The following SLC30A8 variants were observed in gnomAD, a reference collection of about 807,000 sequenced individuals.
SLC30A8 encodes the protein solute carrier family 30 member 8, also known as proton-coupled zinc antiporter SLC30A8.
Under a neutral mutation model 36.9 loss-of-function variants are expected in SLC30A8, and 27 were observed. That is an observed-to-expected ratio of 0.73 (90% CI 0.54 to 1.01). The LOEUF (loss-of-function observed/expected upper bound fraction) is 1.01. Among genes scored for constraint, SLC30A8 ranks in the 50% least tolerant of loss-of-function variants. The probability of loss-of-function intolerance (pLI) is 0.00; values close to 1 mark genes in which losing one functional copy is unlikely to be tolerated. For missense variants in SLC30A8, 439 were observed against 452.0 expected, an observed-to-expected ratio of 0.97 and a Z score of 0.26; for synonymous variants, 164 against 172.4, an observed-to-expected ratio of 0.95 and a Z score of 0.38.
At chr8:117,009,843 A>G (rs1021067161) in intron 1 of SLC30A8, among the ~76,000 whole-genome samples, 5 of 152,196 alleles carry the variant, frequency 3.3e-5, no homozygotes, top group African/African-American at 4.8e-5. Flanking sequence ...GGTTTTCTGA[A>G]TATGTCATGG....
At chr8:117,109,027 C>G (rs992989092) in intron 2 of SLC30A8, among the ~76,000 whole-genome samples, 5 of 152,154 alleles carry the variant, frequency 3.3e-5, no homozygotes, top group African/African-American at 1.2e-4. Flanking sequence ...TTCTCCTAGC[C>G]TGGAAAACTC....
chr8:117,119,395 G>A (rs1206746718), intron 2 of SLC30A8, among the ~76,000 whole-genome samples: 2 of 151,886 alleles, frequency 1.3e-5, no homozygotes, highest in African/African-American at 4.8e-5. Context: ...TAAAGGAAAG[G>A]GGAAAGGAGA....
At chr8:117,140,305 G>A (rs752654869) in intron 1 of SLC30A8, among the ~76,000 whole-genome samples, 13 of 152,028 alleles carry the variant, frequency 8.6e-5, no homozygotes, top group Non-Finnish European at 1.8e-4. Flanking sequence ...AGGGCCAGAA[G>A]GAGAGAGAAA....
chr8:117,131,430 A>G (rs996502403), upstream of SLC30A8, among the ~76,000 whole-genome samples: 1 of 151,998 alleles, frequency 6.6e-6, no homozygotes, highest in African/African-American at 2.4e-5. Flanking sequence ...GGGTGATTAC[A>G]CTGGTTGAGT....
chr8:117,140,286 CATA>C (rs1366247868), intron 1 of SLC30A8, among the ~76,000 whole-genome samples: 1 of 151,860 alleles, frequency 6.6e-6, no homozygotes, highest in African/African-American at 2.4e-5. Flanking sequence ...TTAACATATT[CATA>C]ATAAGAGGGC....
chr8:117,001,464 T>C (rs1358745676), intron 1 of SLC30A8, among the ~76,000 whole-genome samples: 2 of 152,152 alleles, frequency 1.3e-5, no homozygotes, highest in African/African-American at 4.8e-5. Flanking sequence ...TTTTATTGTT[T>C]ATGCTGTTGG....
At chr8:116,988,752 T>A (rs1459833850) in intron 1 of SLC30A8, among the ~76,000 whole-genome samples, 1 of 152,230 alleles carries the variant, frequency 6.6e-6, no homozygotes. Flanking sequence ...GGCATATACT[T>A]AAAATTTGAT....
intron 1 of SLC30A8, among the ~76,000 whole-genome samples, chr8:117,024,005 G>C (rs1398248721): frequency 6.6e-6 from 1 of 151,846 alleles, no homozygotes; most frequent in Non-Finnish European, 1.5e-5. Context: ...TTTATTTTCT[G>C]GCTATTTGGC....
Position 117,161,765 on chromosome 8 carries a change from C to G in SLC30A8, c.600C>G (p.Cys200Trp), listed in dbSNP as rs202179744. ...TAACTGTGGTTTTGCACCAGAGATG[C>G]CTTGGCCACAATCACAAGGAAGTAC... ...IVLTVVLHQR[C>W]LGHNHKEVQA... The change falls in exon 5 of 8, where the codon TGC becomes TGG. Residue 200 changes from cysteine (C) to tryptophan (W), a missense_variant. Coordinates refer to ENST00000456015, the MANE Select transcript of SLC30A8 (RefSeq NM_173851.3). 6.2e-7 allele frequency: 1 copy of G among 1,613,434 alleles called. No homozygotes were observed. The highest frequency in any genetic ancestry group is 1.3e-5 in the African/African-American group (1 of 74,884).
At chr8:117,149,668 G>A (rs1234818530) in intron 2 of SLC30A8, among the ~76,000 whole-genome samples, 13 of 152,154 alleles carry the variant, frequency 8.5e-5, no homozygotes, top group Non-Finnish European at 1.5e-5. Context: ...TGTCAGGAGT[G>A]CCTCCTGCTA....
intron 1 of SLC30A8, among the ~76,000 whole-genome samples, chr8:116,962,975 G>A (rs188384488): frequency 3.6e-4 from 54 of 151,960 alleles, no homozygotes; most frequent in African/African-American, 1.2e-3. Flanking sequence ...TGGCGGGGAA[G>A]GGGACAAGTC....
In SLC30A8 at chr8:116,981,795, A is replaced by G. The variant is rs149108742; in HGVS notation, c.-266+30676A>G. 2.0e-3 allele frequency among the ~76,000 whole-genome samples: 301 copies of G among 152,298 alleles called. 4 individuals carry two copies. The highest frequency in any genetic ancestry group is 6.8e-3 in the African/African-American group (281 of 41,556). ...GTATTCCATGGTGTGTATGTACTAC[A>G]TATTTTAAATCCAGTCTATGATTGA... On this transcript the variant is annotated intron_variant, in intron 1 of 10. Coordinates refer to the SLC30A8 transcript ENST00000427715.
chr8:117,104,045 C>T (rs943367125), intron 2 of SLC30A8, among the ~76,000 whole-genome samples: 2 of 152,156 alleles, frequency 1.3e-5, no homozygotes, highest in African/African-American at 4.8e-5. Flanking sequence ...GATACCCCGT[C>T]GCTATTCCTG....
intron 2 of SLC30A8, among the ~76,000 whole-genome samples, chr8:117,121,990 TA>T (rs148518508): frequency 0.013 from 1,992 of 152,032 alleles, 43 homozygotes; most frequent in African/African-American, 0.045. Flanking sequence ...TTTTTCACAA[TA>T]AAAAACATAT....
intron 1 of SLC30A8, among the ~76,000 whole-genome samples, chr8:116,958,765 C>T (rs1814306363): frequency 6.6e-6 from 1 of 151,032 alleles, no homozygotes; most frequent in Non-Finnish European, 1.5e-5. Flanking sequence ...TCTTTCTATC[C>T]CTTTTCCTTG....
At chr8:117,054,098 C>CTTT (rs4060800) in intron 2 of SLC30A8, among the ~76,000 whole-genome samples, 6 of 124,150 alleles carry the variant, frequency 4.8e-5, no homozygotes, top group Non-Finnish European at 8.4e-5. Context: ...CTGCAAAAAT[C>CTTT]TTTTTTTTTT....
chr8:117,046,145 C>T (rs899722332), intron 2 of SLC30A8, among the ~76,000 whole-genome samples: 2 of 152,096 alleles, frequency 1.3e-5, no homozygotes, highest in Non-Finnish European at 2.9e-5. Flanking sequence ...CCCCAAATCC[C>T]GCTTGAGGCA....
At chr8:116,968,314 A>G (rs1001990878) in intron 1 of SLC30A8, among the ~76,000 whole-genome samples, 2 of 150,232 alleles carry the variant, frequency 1.3e-5, no homozygotes, top group Middle Eastern at 3.6e-3. Flanking sequence ...TAGCTATACT[A>G]TAATAATATA....
At chr8:116,958,229 C>G (rs879552521) in intron 1 of SLC30A8, among the ~76,000 whole-genome samples, 2 of 152,092 alleles carry the variant, frequency 1.3e-5, no homozygotes, top group Non-Finnish European at 2.9e-5. Flanking sequence ...GAAAGAGGTT[C>G]CATTCTAGGA....
Sources: allele counts gnomAD v4.1 joint callset (sites outside exome capture counted in the v4.1 genomes callset), GRCh38; gene constraint gnomAD v4.1.1; transcripts MANE v1.5; gene names NCBI Gene and HGNC (gene_info 2026-07-23, HGNC 2026-07-21).